Variants in EFEMP1 observed in about 807,000 individuals in gnomAD.
EFEMP1 encodes the protein EGF-containing fibulin-like extracellular matrix protein 1.
EFEMP1 carries 18 observed loss-of-function variants against 65.7 expected under a neutral mutation model. The observed-to-expected ratio is 0.27, with a 90% CI of 0.19 to 0.41. EFEMP1 has a LOEUF of 0.41. Ranked by LOEUF, EFEMP1 falls within the 10% of genes least tolerant of loss-of-function variation. The pLI, the probability that EFEMP1 is intolerant of heterozygous loss-of-function variation, is 1.00. For synonymous variants in EFEMP1, 237 were observed against 219.7 expected (o/e 1.08, Z -0.70); for missense variants, 469 against 624.8 (o/e 0.75, Z 2.66).
Position 55,867,242 on chromosome 2 carries a change from A to G in EFEMP1, c.1321-8T>C. On this transcript the variant is annotated splice_polypyrimidine_tract_variant and splice_region_variant and intron_variant, in intron 11 of 11. Coordinates refer to ENST00000355426, the MANE Select transcript of EFEMP1 (RefSeq NM_001039348.3). This position sits in a 1 kb window ranked among gnomAD's most constrained non-coding sequence, Gnocchi z 4.3. Reference sequence around the variant, plus strand: ...ACTTACAGGACTTGTTTGCTAAAATAAAAGAAAATAGAGAAAGGAAGAGAA... The same window carrying G: ...ACTTACAGGACTTGTTTGCTAAAATGAAAGAAAATAGAGAAAGGAAGAGAA... The G allele has an allele frequency of 6.2e-7, 1 of 1,613,490 alleles. No homozygotes were observed. The highest frequency in any genetic ancestry group is 1.7e-5 in the Admixed American group (1 of 59,952).
At chr2:55,891,259 T>C (rs1669617306) in intron 5 of EFEMP1, among the ~76,000 whole-genome samples, 2 of 152,110 alleles carry the variant, frequency 1.3e-5, no homozygotes, top group Admixed American at 6.5e-5. Flanking sequence ...TCACTGGAAA[T>C]ACACAAACGA....
intron 5 of EFEMP1, among the ~76,000 whole-genome samples, chr2:55,907,400 T>G (rs761884311): frequency 3.3e-5 from 5 of 152,206 alleles, no homozygotes; most frequent in Non-Finnish European, 7.3e-5. Context: ...TTATTTCTCT[T>G]GGGATATACT....
intron 5 of EFEMP1, among the ~76,000 whole-genome samples, chr2:55,888,334 CTTTT>C (rs71713705): frequency 5.2e-5 from 6 of 114,304 alleles, no homozygotes; most frequent in South Asian, 2.8e-4. Context: ...CCTTCTTAAA[CTTTT>C]TTTTTTTTTT....
chr2:55,913,455 C>T (rs1309734260), intron 5 of EFEMP1, among the ~76,000 whole-genome samples: 1 of 152,046 alleles, frequency 6.6e-6, no homozygotes, highest in Admixed American at 6.5e-5. Context: ...AGTAGTCATG[C>T]CTGTAAGTCC....
chr2:55,922,548 G>A lies in EFEMP1; in HGVS notation c.-7-101C>T. 1.9e-6 allele frequency: 2 copies of A among 1,066,550 alleles called. No homozygotes were observed. Among genetic ancestry groups the A allele is most frequent in the Non-Finnish European group, 1.4e-6 (1 of 699,192 alleles). The allele number at this position is 1,066,550 out of a possible 1,614,324, so 66.1% of individuals were successfully genotyped here. A position where few individuals can be genotyped will look rare whatever the true frequency, so the allele number is the denominator to read the frequency against. ...AAGCGAGGAAAGGAGGGTGGGAGAG[G>A]CTGAGGCTCCACCATACTCAACTTC... On this transcript the variant is annotated intron_variant, in intron 2 of 11. Coordinates refer to ENST00000355426, the MANE Select transcript of EFEMP1 (RefSeq NM_001039348.3). This position sits in a 1 kb window ranked among gnomAD's most constrained non-coding sequence, Gnocchi z 5.5.
intron 5 of EFEMP1, among the ~76,000 whole-genome samples, chr2:55,914,607 T>TA: frequency 6.6e-6 from 1 of 152,336 alleles, no homozygotes; most frequent in South Asian, 2.1e-4. Flanking sequence ...TTTCAGTTCT[T>TA]ACATTTAAAA....
At chr2:55,898,200 G>T (rs1404355890) in intron 5 of EFEMP1, among the ~76,000 whole-genome samples, 1 of 152,156 alleles carries the variant, frequency 6.6e-6, no homozygotes, top group African/African-American at 2.4e-5. Context: ...ATTTCATGAA[G>T]TGTGGGGGGT....
In EFEMP1 at chr2:55,881,637, A is replaced by G. The variant is rs765517862; in HGVS notation, c.615T>C (p.Tyr205=). Residue 205 remains tyrosine, a synonymous_variant, in exon 6 of 12, where the codon TAT becomes TAC. Transcript: ENST00000355426. The stretch of plus-strand genomic sequence containing the variant: ...CTACGCACTGCTCCCCTCGCTTCTG[A>G]TATCCAGGAGGGCACTGACATGCAA... The part of the protein sequence containing the change: ...GSFACQCPPG[Y]QKRGEQCVDI... The G allele has an allele frequency of 1.1e-5, 17 of 1,613,722 alleles. No homozygotes were observed. The East Asian group carries it at 3.8e-4, about 36-fold the overall frequency.
intron 5 of EFEMP1, among the ~76,000 whole-genome samples, chr2:55,884,331 A>G (rs1669349401): frequency 6.6e-6 from 1 of 152,216 alleles, no homozygotes. Flanking sequence ...ATTATTATAC[A>G]TTGTTAAATT....
intron 6 of EFEMP1, among the ~76,000 whole-genome samples, chr2:55,878,800 T>A (rs1237659913): frequency 6.6e-6 from 1 of 152,150 alleles, no homozygotes; most frequent in African/African-American, 2.4e-5. Context: ...GGTCTTAACT[T>A]CTCGAGCTTG....
intron 7 of EFEMP1, 53 bp from the exon 8 acceptor site, chr2:55,876,795 C>T (rs1294271994): frequency 3.7e-6 from 4 of 1,078,636 alleles, no homozygotes; most frequent in South Asian, 2.0e-5. Context: ...TATACACACA[C>T]ATATATATAT....
In EFEMP1 at chr2:55,917,967, G is replaced by A. The variant is rs753826959; in HGVS notation, c.215C>T (p.Pro72Leu). The part of the protein sequence containing the change: ...VNHYGGYLCL[P>L]KTAQIIVNNE... ...ATTGACAATAATCTGGGCTGTTTTC[G>A]GAAGGCAGAGGTATCCTCCATAGTG... The change falls in exon 5 of 12, where the codon CCG (proline) becomes CTG (leucine). Residue 72 changes from proline to leucine, a missense_variant. By Grantham distance (98) the Pro-to-Leu change is moderately conservative. Coordinates refer to ENST00000355426, the MANE Select transcript of EFEMP1 (RefSeq NM_001039348.3). This position sits in a 1 kb window ranked among gnomAD's most constrained non-coding sequence, Gnocchi z 6.3. 1.9e-6 allele frequency: 3 copies of A among 1,614,056 alleles called. No individual in the cohort carries two copies. Among genetic ancestry groups the A allele is most frequent in the Admixed American group, 1.7e-5 (1 of 59,990 alleles).
intron 5 of EFEMP1, among the ~76,000 whole-genome samples, chr2:55,889,386 T>A (rs1474877340): frequency 1.3e-5 from 2 of 152,214 alleles, no homozygotes; most frequent in African/African-American, 4.8e-5. Flanking sequence ...AAAGAATACC[T>A]TTGTGCCTCT....
intron 9 of EFEMP1, 152 bp downstream of exon 9, chr2:55,874,794 T>C: frequency 1.4e-6 from 1 of 700,622 alleles, no homozygotes; most frequent in Non-Finnish European, 2.2e-6. Context: ...TTATGAGATG[T>C]ATATATTTTA....
At position 55,866,038 on chromosome 2, in the gene EFEMP1, C is replaced by T. The variant is rs1668559269; in HGVS notation, c.*1035G>A. 1.3e-5 allele frequency: 2 copies of T among 152,060 alleles called. No homozygotes were observed. Among genetic ancestry groups the T allele is most frequent in the Admixed American group, 6.6e-5 (1 of 15,246 alleles). The allele number at this position is 152,060 out of a possible 1,614,324, so 9.4% of individuals were successfully genotyped here. A position where few individuals can be genotyped will look rare whatever the true frequency, so the allele number is the denominator to read the frequency against. On this transcript the variant is annotated 3_prime_UTR_variant, in exon 12 of 12. Transcript: ENST00000355426. ...CAAAGTAAAGCAGTGACATTTTAAA[C>T]AAGGAGACGTATAAAATATTCCATA...
intron 6 of EFEMP1, among the ~76,000 whole-genome samples, chr2:55,881,008 T>A (rs1669218082): frequency 2.0e-5 from 3 of 152,188 alleles, no homozygotes; most frequent in African/African-American, 7.2e-5. Context: ...AGGCTTGCAG[T>A]ATAAAGAGCC....
At chr2:55,884,750 A>G (rs1415668113) in intron 5 of EFEMP1, among the ~76,000 whole-genome samples, 1 of 152,186 alleles carries the variant, frequency 6.6e-6, no homozygotes, top group African/African-American at 2.4e-5. Flanking sequence ...CATGATTATA[A>G]TTTATCCTTG....
intron 5 of EFEMP1, among the ~76,000 whole-genome samples, chr2:55,902,848 C>T (rs886487262): frequency 6.6e-6 from 1 of 152,120 alleles, no homozygotes; most frequent in Admixed American, 6.6e-5. Flanking sequence ...CAAAAATGAA[C>T]TATCAATGGA....
In EFEMP1 at chr2:55,911,164, T is replaced by G. The variant is rs117463507; in HGVS notation, c.517+6501A>C. On this transcript the variant is annotated intron_variant, in intron 5 of 11. Coordinates refer to ENST00000355426, the MANE Select transcript of EFEMP1 (RefSeq NM_001039348.3). ...ATGTCCTTTTTTCCTTTAGATTGCA[T>G]ACATCATGTCCTTGGTTCAGGGATA... Among the ~76,000 whole-genome samples, 39 of 152,320 alleles carry G rather than the reference T, an allele frequency of 2.6e-4. No individual in the cohort carries two copies. In the East Asian group the frequency reaches 7.5e-3, roughly 29 times the overall value.
Sources: allele counts gnomAD v4.1 joint callset (sites outside exome capture counted in the v4.1 genomes callset), GRCh38; gene constraint gnomAD v4.1.1; non-coding constraint Gnocchi (gnomAD v3.1); transcripts MANE v1.5; gene names NCBI Gene and HGNC (gene_info 2026-07-23, HGNC 2026-07-21).